Variants in MPRIP observed in about 807,000 individuals in gnomAD.
The protein encoded by MPRIP is myosin phosphatase Rho interacting protein, also known as myosin phosphatase Rho-interacting protein.
Under a neutral mutation model 234.9 loss-of-function variants are expected in MPRIP, and 59 were observed. The observed-to-expected ratio is 0.25, with a 90% CI of 0.20 to 0.31. The LOEUF (loss-of-function observed/expected upper bound fraction) is 0.31, where lower values mean the gene tolerates loss of function less well. MPRIP is among the 10% of genes least tolerant of loss of function. MPRIP has a pLI of 1.00. For missense variants in MPRIP, 2,436 were observed against 3,071.0 expected (o/e 0.79, Z 4.89); for synonymous variants, 1,144 against 1,263.9 (o/e 0.91, Z 2.01).
At chr17:17,093,229 T>C (rs2089760697) in intron 3 of MPRIP, among the ~76,000 whole-genome samples, 1 of 152,192 alleles carries the variant, frequency 6.6e-6, no homozygotes, top group Admixed American at 6.5e-5. Context: ...TGTAACAACT[T>C]TGGAGGCTTG....
chr17:17,175,404 G>A lies in MPRIP; in HGVS notation c.6862G>A (p.Glu2288Lys), dbSNP rs368372258. The A allele has an allele frequency of 6.2e-7, 1 of 1,609,596 alleles. No homozygotes were observed. Among genetic ancestry groups the A allele is most frequent in the Non-Finnish European group, 8.5e-7 (1 of 1,178,148 alleles). Reference protein sequence around the residue: ...SPLAQGKDAYELEVLLRVKES... With the variant: ...SPLAQGKDAYKLEVLLRVKES... ...CCTTGCACAGGGCAAGGATGCCTAT[G>A]AACTAGAGGTACCATCAGGAGCCAG... Residue 2288 changes from glutamate to lysine, a missense_variant, in exon 20 of 24, where the codon GAA becomes AAA. Physicochemically the swap from Glu to Lys is moderately conservative, Grantham distance 56. Coordinates refer to ENST00000651222, the MANE Select transcript of MPRIP (RefSeq NM_001364716.4).
chr17:17,055,668 C>T (rs1390956598), intron 1 of MPRIP, among the ~76,000 whole-genome samples: 1 of 152,320 alleles, frequency 6.6e-6, no homozygotes, highest in East Asian at 1.9e-4. Flanking sequence ...GCAGACAGCC[C>T]ACTACTTCTC....
chr17:17,072,697 C>G (rs1233397333), intron 1 of MPRIP, among the ~76,000 whole-genome samples: 1 of 152,060 alleles, frequency 6.6e-6, no homozygotes, highest in Non-Finnish European at 1.5e-5. Flanking sequence ...ACGTGGCTGG[C>G]TGTGAGAGGC....
At chr17:17,082,424 T>C (rs1481364855) in intron 3 of MPRIP, among the ~76,000 whole-genome samples, 1 of 149,346 alleles carries the variant, frequency 6.7e-6, no homozygotes, top group Non-Finnish European at 1.5e-5. Context: ...GCCTCCGGAG[T>C]AGCTGGGATT....
intron 3 of MPRIP, among the ~76,000 whole-genome samples, chr17:17,122,588 C>T (rs763338896): frequency 9.2e-5 from 14 of 152,174 alleles, no homozygotes; most frequent in Non-Finnish European, 1.5e-4. Context: ...CTCCTGACCT[C>T]GTGATCCGCC....
intron 3 of MPRIP, among the ~76,000 whole-genome samples, chr17:17,115,280 G>A (rs1244077950): frequency 2.6e-5 from 4 of 152,258 alleles, no homozygotes; most frequent in Non-Finnish European, 5.9e-5. Flanking sequence ...GAAAGGTAGG[G>A]CCTCGGGATT....
chr17:17,044,843 AG>A (rs1268996419), intron 1 of MPRIP, among the ~76,000 whole-genome samples: 2 of 152,212 alleles, frequency 1.3e-5, no homozygotes, highest in Non-Finnish European at 2.9e-5. Flanking sequence ...GTTTTGAAAC[AG>A]GCCTGAGACC....
At chr17:17,136,935 AAT>A (rs1020680750) in intron 6 of MPRIP, among the ~76,000 whole-genome samples, 2 of 152,042 alleles carry the variant, frequency 1.3e-5, no homozygotes, top group African/African-American at 4.8e-5. Context: ...AGCACTTTGG[AAT>A]TACCTGAGCA....
rs1211215610 is a variant in MPRIP at position 17,189,519 on chromosome 17, A to T, written c.*4625A>T. On this transcript the variant is annotated 3_prime_UTR_variant, in exon 24 of 24. Transcript: ENST00000651222. ...GATACGGTAAAAAAAAAAAACTGTG[A>T]CCCCTTTGTCACTAAGGGAGAAAGA... The T allele has an allele frequency of 6.6e-6, 1 of 151,518 alleles. No homozygotes were observed. The highest frequency in any genetic ancestry group is 2.4e-5 in the African/African-American group (1 of 41,326). The allele number at this position is 151,518 out of a possible 1,614,324, so 9.4% of individuals were successfully genotyped here.
At chr17:17,064,516 A>G (rs2088964401) in intron 1 of MPRIP, among the ~76,000 whole-genome samples, 1 of 152,152 alleles carries the variant, frequency 6.6e-6, no homozygotes, top group Non-Finnish European at 1.5e-5. Flanking sequence ...ACTGACTACA[A>G]TGCAGAAAGC....
At position 17,167,913 on chromosome 17, in the gene MPRIP, A is replaced by C; in HGVS notation, c.6322A>C (p.Lys2108Gln). Residue 2108 changes from lysine (K) to glutamine (Q), a missense_variant and splice_region_variant, in exon 16 of 24, where the codon AAG (lysine) becomes CAG (glutamine). Transcript: ENST00000651222. This position sits in a 1 kb window ranked among gnomAD's most constrained non-coding sequence, Gnocchi z 5.9. ...GTACCAGAGGGACTTGGAGAGCCTTAAGGTCTTAACGCCCCATTCAATTTG... is the reference window on the plus strand; with the variant it reads ...GTACCAGAGGGACTTGGAGAGCCTTCAGGTCTTAACGCCCCATTCAATTTG... ...EKYQRDLESL[K>Q]ATCERGFAAM... 1 of 1,302,586 alleles carries C rather than the reference A, an allele frequency of 7.7e-7. No individual in the cohort carries two copies. The highest frequency in any genetic ancestry group is 1.2e-5 in the South Asian group (1 of 80,988). The allele number at this position is 1,302,586 out of a possible 1,614,324, so 80.7% of individuals were successfully genotyped here.
chr17:17,169,009 G>A (rs1366094952), intron 16 of MPRIP: 5 of 456,784 alleles, frequency 1.1e-5, no homozygotes, highest in African/African-American at 2.0e-5. Flanking sequence ...TCTGTGTGAC[G>A]GACTCGGCCC....
chr17:17,078,086 A>G lies in MPRIP; in HGVS notation c.267+10A>G, dbSNP rs1401796126. The stretch of plus-strand genomic sequence containing the variant: ...CGCCCTGGATGAGATGGTAAGTGTT[A>G]TCCTTGCCCACTCCCTGTCCCCAGC... On this transcript the variant is annotated intron_variant, in intron 3 of 23. Coordinates refer to ENST00000651222, the MANE Select transcript of MPRIP (RefSeq NM_001364716.4). The surrounding 1 kb of genome is among the most constrained non-coding windows in gnomAD (Gnocchi z 4.3). The G allele has an allele frequency of 1.2e-6, 2 of 1,613,958 alleles. No homozygotes were observed. Among genetic ancestry groups the G allele is most frequent in the South Asian group, 2.2e-5 (2 of 91,076 alleles).
intron 3 of MPRIP, among the ~76,000 whole-genome samples, chr17:17,125,339 T>G (rs1386055106): frequency 6.6e-5 from 10 of 152,202 alleles, no homozygotes; most frequent in Non-Finnish European, 7.4e-5. Flanking sequence ...GCCACCTCCC[T>G]TCTGAGCTGG....
chr17:17,052,910 G>A (rs983253426), intron 1 of MPRIP, among the ~76,000 whole-genome samples: 4 of 152,158 alleles, frequency 2.6e-5, no homozygotes, highest in African/African-American at 4.8e-5. Flanking sequence ...CAACCGTGGC[G>A]CACTTTCCAC....
intron 18 of MPRIP, 138 bp from the exon 19 acceptor site, chr17:17,173,774 CTGTA>C: frequency 1.0e-6 from 1 of 960,610 alleles, no homozygotes; most frequent in Non-Finnish European, 1.6e-6. Context: ...ATCCCTTACT[CTGTA>C]TGACCCAGGC....
At chr17:17,055,392 G>A (rs994012929) in intron 1 of MPRIP, among the ~76,000 whole-genome samples, 9 of 152,154 alleles carry the variant, frequency 5.9e-5, no homozygotes, top group African/African-American at 1.4e-4. Context: ...CTGGGGAGCC[G>A]GGTCTAGTCC....
chr17:17,105,224 G>A (rs2090040061), intron 3 of MPRIP, among the ~76,000 whole-genome samples: 1 of 152,182 alleles, frequency 6.6e-6, no homozygotes, highest in Non-Finnish European at 1.5e-5. Context: ...ACCCACCCTC[G>A]TGGTGGGGCA....
At chr17:17,097,334 TAAG>T (rs1189389361) in intron 3 of MPRIP, 2 of 153,486 alleles carry the variant, frequency 1.3e-5, no homozygotes, top group East Asian at 3.8e-4. Context: ...TTATTTTTAA[TAAG>T]AATATTCTGG....
Sources: allele counts gnomAD v4.1 joint callset (sites outside exome capture counted in the v4.1 genomes callset), GRCh38; gene constraint gnomAD v4.1.1; non-coding constraint Gnocchi (gnomAD v3.1); transcripts MANE v1.5; gene names NCBI Gene and HGNC (gene_info 2026-07-23, HGNC 2026-07-21).